Variants in CNTN5 observed in about 807,000 individuals in gnomAD.
The protein encoded by CNTN5 is contactin 5.
In CNTN5, 77 loss-of-function variants were observed where a neutral mutation model predicts 129.1. That is an observed-to-expected ratio of 0.60 (90% CI 0.50 to 0.72). The LOEUF (loss-of-function observed/expected upper bound fraction) is 0.72, where lower values mean the gene tolerates loss of function less well. Ranked by LOEUF, CNTN5 falls within the 30% of genes least tolerant of loss-of-function variation. CNTN5 has a pLI of 0.00. For synonymous variants in CNTN5, 509 were observed against 465.6 expected (o/e 1.09, Z -1.20); for missense variants, 1,478 against 1,328.8 (o/e 1.11, Z -1.75).
intron 1 of CNTN5, among the ~76,000 whole-genome samples, chr11:99,152,139 T>C (rs1465656840): frequency 6.6e-6 from 1 of 152,244 alleles, no homozygotes; most frequent in African/African-American, 2.4e-5. Context: ...ATTTCCTTTT[T>C]CTATTTAATG....
intron 1 of CNTN5, among the ~76,000 whole-genome samples, chr11:99,070,195 C>T (rs1395896101): frequency 6.6e-6 from 1 of 152,168 alleles, no homozygotes; most frequent in Non-Finnish European, 1.5e-5. Flanking sequence ...AATCTATCTC[C>T]TGTCTCTGAC....
Position 99,523,704 on chromosome 11 carries a change from CAGA to C in CNTN5, c.-70-32439_-70-32437del, listed in dbSNP as rs1565258900. Reference sequence around the variant, plus strand: ...CAGAACAGAACAGAACAGAATAGAACAGAATAGAATAGAATAGAATAGAATATG... The same window carrying C: ...CAGAACAGAACAGAACAGAATAGAACATAGAATAGAATAGAATAGAATATG... On this transcript the variant is annotated intron_variant, in intron 2 of 24. Coordinates refer to ENST00000524871, the MANE Select transcript of CNTN5 (RefSeq NM_014361.4). Among the ~76,000 whole-genome samples, 25 of 120,052 alleles carry C rather than the reference CAGA, an allele frequency of 2.1e-4. 1 individual carries two copies. The South Asian group carries it at 6.4e-3, about 31-fold the overall frequency. 78.8% of individuals were successfully genotyped at this position (120,052 alleles called of 152,430 possible).
At chr11:100,242,262 T>G (rs1423225214) in intron 16 of CNTN5, among the ~76,000 whole-genome samples, 1 of 152,214 alleles carries the variant, frequency 6.6e-6, no homozygotes, top group African/African-American at 2.4e-5. Context: ...GGCTGGCTCC[T>G]TCTTATTTAT....
intron 2 of CNTN5, among the ~76,000 whole-genome samples, chr11:99,417,907 C>T (rs1472152794): frequency 6.6e-6 from 1 of 152,102 alleles, no homozygotes; most frequent in Non-Finnish European, 1.5e-5. Flanking sequence ...ATTGTGGTAA[C>T]ATTAGAAAAG....
chr11:99,392,322 T>C (rs1941305834), intron 2 of CNTN5, among the ~76,000 whole-genome samples: 2 of 151,782 alleles, frequency 1.3e-5, no homozygotes, highest in Non-Finnish European at 2.9e-5. Flanking sequence ...AAGAGGACAA[T>C]AGCAAAAATA....
intron 2 of CNTN5, among the ~76,000 whole-genome samples, chr11:99,503,155 A>G (rs1946488085): frequency 6.6e-6 from 1 of 152,120 alleles, no homozygotes; most frequent in Non-Finnish European, 1.5e-5. Flanking sequence ...GTATTCCTCT[A>G]TAACCTTTTC....
At chr11:99,246,789 A>G (rs964414740) in intron 1 of CNTN5, among the ~76,000 whole-genome samples, 3 of 152,190 alleles carry the variant, frequency 2.0e-5, no homozygotes, top group African/African-American at 4.8e-5. Context: ...TAAGTATCAC[A>G]GGAACAAAAA....
At chr11:100,040,943 G>A (rs5005330) in intron 9 of CNTN5, among the ~76,000 whole-genome samples, 13,913 of 151,834 alleles carry the variant, frequency 0.092, 750 homozygotes, top group East Asian at 0.18. Flanking sequence ...GTGATTCCTC[G>A]CCCTGCTTTG....
intron 9 of CNTN5, among the ~76,000 whole-genome samples, chr11:100,037,893 A>G (rs183586549): frequency 0.093 from 14,066 of 151,772 alleles, 840 homozygotes; most frequent in East Asian, 0.18. Context: ...CGGTCTATCA[A>G]TTTTGTTGAT....
chr11:99,406,094 G>A (rs2136222524), intron 2 of CNTN5, among the ~76,000 whole-genome samples: 1 of 151,776 alleles, frequency 6.6e-6, no homozygotes, highest in South Asian at 2.1e-4. Flanking sequence ...TTCCTGGCTT[G>A]TCTTGATACT....
chr11:99,751,235 G>A (rs12223938), intron 3 of CNTN5, among the ~76,000 whole-genome samples: 22,091 of 152,172 alleles, frequency 0.15, 1,736 homozygotes, highest in Non-Finnish European at 0.17. Context: ...TACTCAGGAG[G>A]CTAAGGCAAG....
At chr11:99,602,262 CT>C (rs1950336543) in intron 3 of CNTN5, among the ~76,000 whole-genome samples, 1 of 152,056 alleles carries the variant, frequency 6.6e-6, no homozygotes, top group African/African-American at 2.4e-5. Flanking sequence ...TAGTTTCTAT[CT>C]TGATTATTTA....
intron 1 of CNTN5, chr11:99,049,772 T>C (rs959860703): frequency 1.3e-5 from 2 of 152,140 alleles, no homozygotes; most frequent in Admixed American, 6.6e-5. Flanking sequence ...TTGACTTATA[T>C]ATATTTGGGC....
In CNTN5 at chr11:99,645,153, G is replaced by A. The variant is rs184687831; in HGVS notation, c.55+88884G>A. ...TGGGTTCCTGTAGTCCCAGCTGCTC[G>A]GGAGGCTGAAGCTGGAGAATTGCTT... On this transcript the variant is annotated intron_variant, in intron 3 of 24. Coordinates refer to ENST00000524871, the MANE Select transcript of CNTN5 (RefSeq NM_014361.4). Among the ~76,000 whole-genome samples the A allele has an allele frequency of 1.0e-3, 150 of 148,992 alleles. 1 individual carries two copies. The highest frequency in any genetic ancestry group is 3.4e-3 in the African/African-American group (138 of 40,522).
intron 9 of CNTN5, among the ~76,000 whole-genome samples, chr11:100,047,080 G>A (rs1458317229): frequency 6.6e-6 from 1 of 152,050 alleles, no homozygotes; most frequent in African/African-American, 2.4e-5. Context: ...TCTGCATTAG[G>A]ATCTCATTGA....
At chr11:99,819,303 C>CTCCCCTCCCCTCT (rs1946697176) in intron 3 of CNTN5, among the ~76,000 whole-genome samples, 1 of 17,546 alleles carries the variant, frequency 5.7e-5, no homozygotes, top group African/African-American at 2.9e-4. Context: ...TCCTCCCCTT[C>CTCCCCTCCCCTCT]CCTCCCCTCT....
intron 1 of CNTN5, among the ~76,000 whole-genome samples, chr11:99,031,782 A>G (rs1361860694): frequency 6.6e-6 from 1 of 150,768 alleles, no homozygotes; most frequent in African/African-American, 2.4e-5. Context: ...TTTTATTATT[A>G]TACTTTAAGT....
chr11:100,021,134 C>G (rs1303796864), intron 9 of CNTN5, among the ~76,000 whole-genome samples: 1 of 152,006 alleles, frequency 6.6e-6, no homozygotes, highest in East Asian at 1.9e-4. Context: ...ATTTCTCTGT[C>G]TTTCTGTTAT....
chr11:99,989,839 C>G (rs1336539067), intron 8 of CNTN5, among the ~76,000 whole-genome samples: 1 of 152,178 alleles, frequency 6.6e-6, no homozygotes, highest in Non-Finnish European at 1.5e-5. Context: ...GATCTGGGCT[C>G]ACTGCAACCT....
Sources: gnomAD v4.1 joint callset for allele counts (sites outside exome capture counted in the v4.1 genomes callset) on GRCh38, gnomAD v4.1.1 for gene constraint, MANE v1.5 for transcripts, NCBI Gene and HGNC (gene_info 2026-07-23, HGNC 2026-07-21) for gene names.